The following MRAP variants were observed in gnomAD, a reference collection of about 807,000 sequenced individuals.
MRAP encodes melanocortin-2 receptor accessory protein.
A neutral mutation model predicts 8.7 loss-of-function variants in MRAP; 8 were observed. The ratio of observed to expected loss-of-function variants is 0.92; its 90% confidence interval spans 0.54 to 1.66. The LOEUF is 1.66. Ranked by LOEUF, MRAP falls within the 40% of genes most tolerant of loss-of-function variation. MRAP has a pLI of 0.00. For missense variants in MRAP, 237 were observed against 217.1 expected (o/e 1.09, Z -0.58); for synonymous variants, 95 against 95.5 (o/e 1.00, Z 0.03).
chr21:32,298,981 G>A lies in MRAP; in HGVS notation c.10G>A (p.Gly4Arg), dbSNP rs1222205058. 15 of 1,613,792 alleles carry A rather than the reference G, an allele frequency of 9.3e-6. No homozygotes were observed. The highest frequency in any genetic ancestry group is 4.4e-5 in the South Asian group (4 of 91,068). Residue 4 changes from glycine to arginine, a missense_variant, in exon 1 of 3, where the codon GGG (glycine) becomes AGG (arginine). By Grantham distance (125) the Gly-to-Arg change is moderately radical. Coordinates refer to ENST00000303645, the MANE Select transcript of MRAP (RefSeq NM_001379228.1). Reference sequence around the variant, plus strand: ...GCCCAGTGCCACAGACATGGCCAACGGGACCAACGCCTCTGCCCCATACTA... The same window carrying A: ...GCCCAGTGCCACAGACATGGCCAACAGGACCAACGCCTCTGCCCCATACTA... MANGTNASAPYYSY... is the reference protein window; with the variant it reads MANRTNASAPYYSY...
In MRAP at chr21:32,298,934, G is replaced by A; in HGVS notation, c.-38G>A. On this transcript the variant is annotated 5_prime_UTR_variant, in exon 1 of 3. Transcript: ENST00000303645. ...GGCTTGGCGCCTGGCTCGAGGCGAGGCTGCCGGCCCGGACGCTGACTGCCC... is the reference window on the plus strand; with the variant it reads ...GGCTTGGCGCCTGGCTCGAGGCGAGACTGCCGGCCCGGACGCTGACTGCCC... 6.6e-7 allele frequency: 1 copy of A among 1,513,432 alleles called. No homozygotes were observed. The highest frequency in any genetic ancestry group is 9.2e-7 in the Non-Finnish European group (1 of 1,090,324). 93.8% of individuals were successfully genotyped at this position (1,513,432 alleles called of 1,614,324 possible).
downstream of MRAP, chr21:32,314,723 C>T: frequency 1.2e-5 from 18 of 1,520,612 alleles, no homozygotes; most frequent in Admixed American, 1.7e-5. Context: ...TGGGCACCTA[C>T]AGGCCCGAGT....
intron 1 of MRAP, among the ~76,000 whole-genome samples, chr21:32,304,690 T>C: frequency 6.6e-6 from 1 of 151,766 alleles, no homozygotes; most frequent in East Asian, 1.9e-4. Flanking sequence ...CCTTTTAAGC[T>C]TAGGACACAC....
intron 1 of MRAP, among the ~76,000 whole-genome samples, chr21:32,303,581 G>GAAGGA (rs2032336356): frequency 6.6e-6 from 1 of 152,206 alleles, no homozygotes. Context: ...AGGAGAGAGG[G>GAAGGA]AAGGAAAGGA....
chr21:32,294,917 T>C (rs1207774372), upstream of MRAP, among the ~76,000 whole-genome samples: 1 of 152,110 alleles, frequency 6.6e-6, no homozygotes, highest in African/African-American at 2.4e-5. Context: ...GTTAATTTTA[T>C]TCCTATGTGT....
chr21:32,303,353 C>T (rs2032332782), intron 1 of MRAP, among the ~76,000 whole-genome samples: 1 of 152,194 alleles, frequency 6.6e-6, no homozygotes, highest in Non-Finnish European at 1.5e-5. Context: ...AATGCTAAAA[C>T]TGTTTATTTA....
At chr21:32,300,306 A>T (rs534984792) in intron 1 of MRAP, among the ~76,000 whole-genome samples, 2 of 151,720 alleles carry the variant, frequency 1.3e-5, no homozygotes, top group African/African-American at 2.4e-5. Flanking sequence ...GTCGTATGTC[A>T]GATGCGTCAT....
In MRAP at chr21:32,306,622, C is replaced by G; in HGVS notation, c.107-18C>G. On this transcript the variant is annotated intron_variant, in intron 1 of 2. Transcript: ENST00000303645. ...GTTGACATAACCCAGCGCTGAGATG[C>G]ATCTCCTCCTCCCGCAGATTCCATC... 2 of 1,608,862 alleles carry G rather than the reference C, an allele frequency of 1.2e-6. No individual in the cohort carries two copies. The highest frequency in any genetic ancestry group is 1.7e-6 in the Non-Finnish European group (2 of 1,175,240).
At chr21:32,297,909 G>A (rs2032169718), upstream of MRAP, among the ~76,000 whole-genome samples, 1 of 152,314 alleles carries the variant, frequency 6.6e-6, no homozygotes, top group African/African-American at 2.4e-5. Flanking sequence ...CAAAACCAGC[G>A]GAGGGGCTCA....
intron 1 of MRAP, among the ~76,000 whole-genome samples, chr21:32,300,376 T>C (rs1023061406): frequency 1.3e-5 from 2 of 151,844 alleles, no homozygotes; most frequent in African/African-American, 4.8e-5. Context: ...ACACATCCTA[T>C]GTCAGGGGCG....
chr21:32,306,817 A>G (rs754710565), intron 2 of MRAP, 78 bp downstream of exon 2: 3 of 1,142,500 alleles, frequency 2.6e-6, no homozygotes, highest in Non-Finnish European at 4.0e-6. Context: ...AGTATCCCTC[A>G]TCCAAAATGC....
upstream of MRAP, among the ~76,000 whole-genome samples, chr21:32,297,714 G>T (rs1277865299): frequency 2.0e-5 from 3 of 152,230 alleles, no homozygotes; most frequent in Non-Finnish European, 4.4e-5. Context: ...GCTTGGTATG[G>T]AAAAGCCCAC....
upstream of MRAP, among the ~76,000 whole-genome samples, chr21:32,294,318 T>C (rs769560888): frequency 6.6e-6 from 1 of 152,112 alleles, no homozygotes; most frequent in Admixed American, 6.6e-5. Context: ...GGTTTCGCCA[T>C]TTTAGCCAGG....
At chr21:32,310,114 C>T (rs1367827401) in intron 2 of MRAP, among the ~76,000 whole-genome samples, 1 of 152,208 alleles carries the variant, frequency 6.6e-6, no homozygotes, top group Non-Finnish European at 1.5e-5. Context: ...CCGGCAAGCC[C>T]AGGGGCTGCC....
At chr21:32,307,230 CGGGGAA>C (rs1249273811) in intron 2 of MRAP, among the ~76,000 whole-genome samples, 1 of 151,454 alleles carries the variant, frequency 6.6e-6, no homozygotes, top group Non-Finnish European at 1.5e-5. Flanking sequence ...GGGGGGAGAG[CGGGGAA>C]GGGGGAATGA....
At chr21:32,296,658 T>C (rs534594454), upstream of MRAP, among the ~76,000 whole-genome samples, 25 of 152,380 alleles carry the variant, frequency 1.6e-4, no homozygotes, top group African/African-American at 5.5e-4. Flanking sequence ...TGCTGAATAC[T>C]GTAGGCAATT....
At chr21:32,301,098 TATC>T (rs1057020316) in intron 1 of MRAP, among the ~76,000 whole-genome samples, 22 of 145,958 alleles carry the variant, frequency 1.5e-4, no homozygotes, top group African/African-American at 3.1e-4. Context: ...TCGTATATGA[TATC>T]ATATATCATA....
chr21:32,311,847 C>T lies in MRAP; in HGVS notation c.370C>T (p.Arg124Ter), dbSNP rs758718535. The change falls in exon 3 of 3, where the codon CGA becomes TGA. Residue 124 changes from arginine to a stop codon, truncating the protein, a stop_gained. Coordinates refer to ENST00000303645, the MANE Select transcript of MRAP (RefSeq NM_001379228.1). LOFTEE classifies it low-confidence loss of function (END_TRUNC). ...GSRTGPDQPL[R>*]QESSSTLPLG... ...CAGAACTGGCCCTGACCAGCCGCTA[C>T]GACAGGAGAGCTCCTCCACCTTGCC... 38 of 1,614,030 alleles carry T rather than the reference C, an allele frequency of 2.4e-5. No individual in the cohort carries two copies. The highest frequency in any genetic ancestry group is 4.4e-5 in the South Asian group (4 of 91,090).
At chr21:32,305,362 T>C (rs535091825) in intron 1 of MRAP, among the ~76,000 whole-genome samples, 39 of 152,146 alleles carry the variant, frequency 2.6e-4, no homozygotes, top group Non-Finnish European at 5.4e-4. Flanking sequence ...TCAGGGGTCG[T>C]AGATGGCAGA....
Sources: gnomAD v4.1 joint callset for allele counts (sites outside exome capture counted in the v4.1 genomes callset) on GRCh38, gnomAD v4.1.1 for gene constraint, MANE v1.5 for transcripts, NCBI Gene and HGNC (gene_info 2026-07-23, HGNC 2026-07-21) for gene names.